Variants in TSPAN18 observed in about 807,000 individuals in gnomAD.
TSPAN18 encodes tetraspanin 18.
Under a neutral mutation model 27.3 loss-of-function variants are expected in TSPAN18, and 14 were observed. The observed-to-expected ratio is 0.51, with a 90% CI of 0.34 to 0.80. The LOEUF (loss-of-function observed/expected upper bound fraction) is 0.80, where lower values mean the gene tolerates loss of function less well. Among genes scored for constraint, TSPAN18 ranks in the 30% least tolerant of loss-of-function variants. The pLI is 0.01. For missense variants in TSPAN18, 268 were observed against 323.9 expected, an observed-to-expected ratio of 0.83 and a Z score of 1.32; for synonymous variants, 143 against 136.5, an observed-to-expected ratio of 1.05 and a Z score of -0.33.
chr11:44,819,314 T>G (rs1483359899), intron 2 of TSPAN18, among the ~76,000 whole-genome samples: 1 of 151,688 alleles, frequency 6.6e-6, no homozygotes, highest in Non-Finnish European at 1.5e-5. Flanking sequence ...GGGACTGGAG[T>G]TGGGAAACTT....
At chr11:44,775,860 T>A (rs78441490) in intron 2 of TSPAN18, among the ~76,000 whole-genome samples, 10,717 of 152,290 alleles carry the variant, frequency 0.07, 549 homozygotes, top group African/African-American at 0.15. Context: ...GATTTTTTTA[T>A]AAAAGTGATT....
chr11:44,818,603 C>T (rs1207414378), intron 2 of TSPAN18, among the ~76,000 whole-genome samples: 1 of 152,156 alleles, frequency 6.6e-6, no homozygotes, highest in Non-Finnish European at 1.5e-5. Context: ...TCCCCCATTC[C>T]CCTCTGCCTG....
rs1342800363 is a variant in TSPAN18, at chr11:44,755,077, T to C, written c.-239-9349T>C. 2.6e-5 allele frequency among the ~76,000 whole-genome samples: 4 copies of C among 152,142 alleles called. No homozygotes were observed. In the East Asian group the frequency reaches 7.7e-4, roughly 29 times the overall value. ...GAAATGATTCTTAACAGCAGTTGCA[T>C]TGAGAATAAACAGTCTCAGGCAATC... On this transcript the variant is annotated intron_variant, in intron 1 of 9. Transcript: ENST00000520358.
chr11:44,773,760 C>T (rs929188538), intron 2 of TSPAN18, among the ~76,000 whole-genome samples: 3 of 152,130 alleles, frequency 2.0e-5, no homozygotes, highest in African/African-American at 7.2e-5. Flanking sequence ...ACCAGGTAGT[C>T]TCCAGGTGGA....
At chr11:44,838,967 C>G (rs1452999) in intron 2 of TSPAN18, among the ~76,000 whole-genome samples, 1,972 of 152,260 alleles carry the variant, frequency 0.013, 21 homozygotes, top group African/African-American at 0.023. Context: ...AAATCCTCAT[C>G]TAGGTATTGC....
chr11:44,750,788 A>T (rs1229215405), intron 1 of TSPAN18, among the ~76,000 whole-genome samples: 2 of 152,222 alleles, frequency 1.3e-5, no homozygotes, highest in Non-Finnish European at 2.9e-5. Context: ...CGAAAGAAAG[A>T]TGGATGCTTG....
At chr11:44,773,462 G>C (rs542525460) in intron 2 of TSPAN18, among the ~76,000 whole-genome samples, 6 of 152,128 alleles carry the variant, frequency 3.9e-5, no homozygotes, top group Admixed American at 2.0e-4. Context: ...AGTGACTGCA[G>C]CAATTGTTTA....
At chr11:44,867,306 A>C (rs1285658902) in intron 3 of TSPAN18, among the ~76,000 whole-genome samples, 1 of 151,272 alleles carries the variant, frequency 6.6e-6, no homozygotes, top group Non-Finnish European at 1.5e-5. Context: ...GGTCTGTCTA[A>C]TACACTGCAA....
intron 2 of TSPAN18, among the ~76,000 whole-genome samples, chr11:44,821,440 T>C (rs956856374): frequency 1.3e-5 from 2 of 152,202 alleles, no homozygotes; most frequent in Non-Finnish European, 2.9e-5. Flanking sequence ...GAAGAAAAGA[T>C]GAACCTGCGA....
intron 3 of TSPAN18, among the ~76,000 whole-genome samples, chr11:44,868,973 C>T (rs1565184510): frequency 2.0e-5 from 3 of 152,240 alleles, no homozygotes. Flanking sequence ...AGCCCCAACC[C>T]ACAATCACTG....
At chr11:44,787,068 G>A (rs999462442) in intron 2 of TSPAN18, among the ~76,000 whole-genome samples, 3 of 152,170 alleles carry the variant, frequency 2.0e-5, no homozygotes, top group Admixed American at 2.0e-4. Context: ...CTTGTGGGCT[G>A]GGGACAAGAT....
Position 44,931,102 on chromosome 11 carries a change from G to C in TSPAN18, c.*1924G>C. 1 of 385,332 alleles carries C rather than the reference G, an allele frequency of 2.6e-6. No individual in the cohort carries two copies. Among genetic ancestry groups the C allele is most frequent in the South Asian group, 1.9e-5 (1 of 52,642 alleles). The allele number at this position is 385,332 out of a possible 1,614,324, so 23.9% of individuals were successfully genotyped here. A position where few individuals can be genotyped will look rare whatever the true frequency, so the allele number is the denominator to read the frequency against. ...CCCGCCAGTCCTTGCCCTCCCACCAGGTCTCTGAGCTCAGTGTTACCAAAT... is the reference window on the plus strand; with the variant it reads ...CCCGCCAGTCCTTGCCCTCCCACCACGTCTCTGAGCTCAGTGTTACCAAAT... On this transcript the variant is annotated 3_prime_UTR_variant, in exon 10 of 10. Transcript: ENST00000520358.
At chr11:44,747,206 C>T (rs956081151) in intron 1 of TSPAN18, among the ~76,000 whole-genome samples, 4 of 152,254 alleles carry the variant, frequency 2.6e-5, no homozygotes, top group African/African-American at 9.6e-5. Context: ...ATGCCAGCTC[C>T]CTGGCATCTT....
intron 2 of TSPAN18, among the ~76,000 whole-genome samples, chr11:44,789,132 CAGGGAG>C (rs1856131341): frequency 6.6e-6 from 1 of 152,214 alleles, no homozygotes; most frequent in Admixed American, 6.5e-5. Flanking sequence ...TTCATTCACC[CAGGGAG>C]AGAGTGTTGC....
intron 5 of TSPAN18, among the ~76,000 whole-genome samples, chr11:44,916,730 G>GGGCA (rs1324482777): frequency 2.6e-5 from 4 of 152,088 alleles, no homozygotes; most frequent in African/African-American, 4.8e-5. Flanking sequence ...GGCACATCGG[G>GGGCA]GGCAGGCAGG....
At chr11:44,902,406 G>A (rs1013752676) in intron 3 of TSPAN18, among the ~76,000 whole-genome samples, 1 of 152,224 alleles carries the variant, frequency 6.6e-6, no homozygotes, top group Non-Finnish European at 1.5e-5. Flanking sequence ...AGAAAGTCAG[G>A]GATGATGTGA....
At chr11:44,821,888 A>G (rs188532181) in intron 2 of TSPAN18, among the ~76,000 whole-genome samples, 298 of 152,302 alleles carry the variant, frequency 2.0e-3, no homozygotes, top group African/African-American at 5.3e-3. Flanking sequence ...AGGTGGGGCC[A>G]TTTGTACAAG....
intron 2 of TSPAN18, among the ~76,000 whole-genome samples, chr11:44,854,199 G>GT (rs1372622910): frequency 9.6e-5 from 10 of 103,748 alleles, no homozygotes; most frequent in Non-Finnish European, 1.4e-4. Context: ...GGGGCAGGGG[G>GT]TGGGGGGGGG....
chr11:44,822,995 A>G (rs1015884975), intron 2 of TSPAN18, among the ~76,000 whole-genome samples: 4 of 152,152 alleles, frequency 2.6e-5, no homozygotes, highest in Admixed American at 2.0e-4. Flanking sequence ...CTGACTTGCA[A>G]TGAGGATCAG....
Sources: gnomAD v4.1 joint callset for allele counts (sites outside exome capture counted in the v4.1 genomes callset) on GRCh38, gnomAD v4.1.1 for gene constraint, MANE v1.5 for transcripts, NCBI Gene and HGNC (gene_info 2026-07-23, HGNC 2026-07-21) for gene names.